The following SOX5 variants were observed in gnomAD, a reference collection of about 807,000 sequenced individuals.
SOX5 encodes transcription factor SOX-5.
In SOX5, 9 loss-of-function variants were observed where a neutral mutation model predicts 92.0. That is an observed-to-expected ratio of 0.10 (90% CI 0.06 to 0.17). The LOEUF (loss-of-function observed/expected upper bound fraction) is 0.17. Ranked by LOEUF, SOX5 falls within the 10% of genes least tolerant of loss-of-function variation. The pLI is 1.00. For synonymous variants in SOX5, 344 were observed against 336.3 expected (o/e 1.02, Z -0.25); for missense variants, 642 against 944.5 (o/e 0.68, Z 4.20).
chr12:23,937,639 C>A (rs1942867110), intron 1 of SOX5, among the ~76,000 whole-genome samples: 1 of 150,846 alleles, frequency 6.6e-6, no homozygotes. Context: ...ATCCTAAGGG[C>A]CACTTGCTTA....
chr12:24,013,113 G>A (rs1322903513), intron 4 of SOX5, among the ~76,000 whole-genome samples: 1 of 152,082 alleles, frequency 6.6e-6, no homozygotes, highest in Non-Finnish European at 1.5e-5. Flanking sequence ...ATCATTCAAA[G>A]CCTTTATAAA....
chr12:24,168,052 A>AG (rs1953635068), intron 4 of SOX5, among the ~76,000 whole-genome samples: 1 of 152,334 alleles, frequency 6.6e-6, no homozygotes, highest in South Asian at 2.1e-4. Flanking sequence ...AGGGAAGGCA[A>AG]GGGGCTGAGG....
At chr12:24,541,993 G>A (rs1952172934) in intron 1 of SOX5, among the ~76,000 whole-genome samples, 1 of 152,182 alleles carries the variant, frequency 6.6e-6, no homozygotes, top group African/African-American at 2.4e-5. Flanking sequence ...ATCACTACCT[G>A]ATGTCCCTTC....
chr12:24,216,547 C>T (rs1360888119), intron 3 of SOX5, among the ~76,000 whole-genome samples: 3 of 152,150 alleles, frequency 2.0e-5, no homozygotes, highest in Non-Finnish European at 2.9e-5. Flanking sequence ...CCTCCTACCT[C>T]TGGGGAAAGA....
rs537375376 is a variant in SOX5 at position 24,090,515 on chromosome 12, A to G, written c.-2+122828T>C. On this transcript the variant is annotated intron_variant, in intron 4 of 4. Transcript: ENST00000446891. ...TATTAGTACAATTCCATGAAAAGAAAATATTTAAAAGTGAGAAAATTACTG... is the reference window on the plus strand; with the variant it reads ...TATTAGTACAATTCCATGAAAAGAAGATATTTAAAAGTGAGAAAATTACTG... Among the ~76,000 whole-genome samples the G allele has an allele frequency of 4.6e-5, 7 of 152,326 alleles. No individual in the cohort carries two copies. The South Asian group carries it at 1.4e-3, about 32-fold the overall frequency.
At chr12:23,857,773 C>G (rs2096709698) in intron 2 of SOX5, among the ~76,000 whole-genome samples, 1 of 149,742 alleles carries the variant, frequency 6.7e-6, no homozygotes, top group Admixed American at 6.7e-5. Context: ...TGCTCTGTAG[C>G]CCAGGCTGGA....
At chr12:23,913,995 G>T (rs184553754) in intron 1 of SOX5, among the ~76,000 whole-genome samples, 11 of 152,062 alleles carry the variant, frequency 7.2e-5, no homozygotes, top group Admixed American at 7.2e-4. Flanking sequence ...GCTTTGGAAA[G>T]GTAACTCAAC....
chr12:24,481,532 C>T lies in SOX5; in HGVS notation c.-251+80797G>A, dbSNP rs562295846. On this transcript the variant is annotated intron_variant, in intron 1 of 4. Transcript: ENST00000446891. ...CTTGTATCGAAACATCTCATGTACC[C>T]CATAAATATATATACTTACTAGGTA... Among the ~76,000 whole-genome samples the T allele has an allele frequency of 2.0e-5, 3 of 152,010 alleles. No individual in the cohort carries two copies. In the East Asian group the frequency reaches 5.8e-4, roughly 29 times the overall value.
intron 6 of SOX5, among the ~76,000 whole-genome samples, chr12:23,691,618 TC>T (rs931776221): frequency 1.3e-5 from 2 of 152,196 alleles, no homozygotes; most frequent in African/African-American, 2.4e-5. Flanking sequence ...TTTAATTTTT[TC>T]CTAATAATTT....
chr12:24,474,878 G>A (rs1432909594), intron 1 of SOX5, among the ~76,000 whole-genome samples: 1 of 132,150 alleles, frequency 7.6e-6, no homozygotes, highest in Non-Finnish European at 1.6e-5. Context: ...TTGAGATGAA[G>A]TCTCACTCTC....
rs551168129 is a variant in SOX5 at position 23,570,541 on chromosome 12, G to A, written c.1342+5120C>T. ...ACCTGTAATCCCAGCACTTTGGGGG[G>A]CTGACGTGGGCGAATCCCTTGAGTC... On this transcript the variant is annotated intron_variant, in intron 10 of 14. Transcript: ENST00000451604. Among the ~76,000 whole-genome samples, 27 of 152,036 alleles carry A rather than the reference G, an allele frequency of 1.8e-4. No homozygotes were observed. The South Asian group carries it at 5.6e-3, about 32-fold the overall frequency.
intron 3 of SOX5, among the ~76,000 whole-genome samples, chr12:23,821,332 G>C (rs1006377391): frequency 1.3e-5 from 2 of 152,186 alleles, no homozygotes; most frequent in Non-Finnish European, 2.9e-5. Flanking sequence ...GGGCTGAGAT[G>C]ATGGGGTTTT....
At chr12:23,798,860 T>G (rs2095611635) in intron 3 of SOX5, among the ~76,000 whole-genome samples, 1 of 152,018 alleles carries the variant, frequency 6.6e-6, no homozygotes, top group South Asian at 2.1e-4. Flanking sequence ...TAAAGAAAAT[T>G]TGATCTGTAA....
intron 2 of SOX5, among the ~76,000 whole-genome samples, chr12:23,876,131 T>C (rs1480977647): frequency 6.6e-6 from 1 of 152,168 alleles, no homozygotes; most frequent in Non-Finnish European, 1.5e-5. Flanking sequence ...TTTTTAGGCA[T>C]GGTCTATTAA....
At chr12:24,000,505 A>C (rs76529080) in intron 4 of SOX5, among the ~76,000 whole-genome samples, 21,318 of 152,088 alleles carry the variant, frequency 0.14, 1,890 homozygotes, top group Non-Finnish European at 0.2. Context: ...TGATAATTAG[A>C]AATGCATTTG....
intron 6 of SOX5, among the ~76,000 whole-genome samples, chr12:23,690,409 C>G (rs2088553063): frequency 6.6e-6 from 1 of 152,164 alleles, no homozygotes; most frequent in South Asian, 2.1e-4. Context: ...TTTGTGGACT[C>G]TTACACGCCA....
At chr12:23,580,937 C>T (rs777030731) in intron 9 of SOX5, among the ~76,000 whole-genome samples, 9 of 151,928 alleles carry the variant, frequency 5.9e-5, no homozygotes, top group Admixed American at 1.3e-4. Flanking sequence ...TAAACTTATT[C>T]CACATAAACT....
At chr12:24,290,843 A>G (rs1378757781) in intron 2 of SOX5, among the ~76,000 whole-genome samples, 1 of 152,202 alleles carries the variant, frequency 6.6e-6, no homozygotes, top group Non-Finnish European at 1.5e-5. Context: ...AGACAAAAGG[A>G]TAATGAAGGC....
At position 24,357,840 on chromosome 12, in the gene SOX5, CA is replaced by C. The variant is rs566913275; in HGVS notation, c.-174+10722del. ...TGGGTGACAGAGCGAGACTCCATCTCAAAAAAAAAAAAAAGAAAGAAGAAAA... is the reference window on the plus strand; with the variant it reads ...TGGGTGACAGAGCGAGACTCCATCTCAAAAAAAAAAAAAGAAAGAAGAAAA... On this transcript the variant is annotated intron_variant, in intron 2 of 4. Coordinates refer to the SOX5 transcript ENST00000446891. Among the ~76,000 whole-genome samples the C allele has an allele frequency of 1.6e-3, 171 of 105,190 alleles. 1 individual carries two copies. Among genetic ancestry groups the C allele is most frequent in the East Asian group, 2.0e-3 (7 of 3,484 alleles). The allele number at this position is 105,190 out of a possible 152,430, so 69.0% of individuals were successfully genotyped here. A position where few individuals can be genotyped will look rare whatever the true frequency, so the allele number is the denominator to read the frequency against.
Sources: allele counts gnomAD v4.1 joint callset (sites outside exome capture counted in the v4.1 genomes callset), GRCh38; gene constraint gnomAD v4.1.1; transcripts MANE v1.5; gene names NCBI Gene and HGNC (gene_info 2026-07-23, HGNC 2026-07-21).